The following CCDC93 variants were observed in gnomAD, a reference collection of about 807,000 sequenced individuals.
The protein encoded by CCDC93 is CCC complex scaffolding subunit CCDC93.
In CCDC93, 61 loss-of-function variants were observed where a neutral mutation model predicts 108.2. That is an observed-to-expected ratio of 0.56 (90% CI 0.46 to 0.70). CCDC93 has a LOEUF of 0.70. Among genes scored for constraint, CCDC93 ranks in the 30% least tolerant of loss-of-function variants. The pLI is 0.00. For synonymous variants in CCDC93, 276 were observed against 260.4 expected, an observed-to-expected ratio of 1.06 and a Z score of -0.58; for missense variants, 685 against 764.2, an observed-to-expected ratio of 0.90 and a Z score of 1.22.
intron 12 of CCDC93, among the ~76,000 whole-genome samples, chr2:117,957,898 G>A (rs113966520): frequency 1.3e-5 from 2 of 152,170 alleles, no homozygotes; most frequent in East Asian, 1.9e-4. Flanking sequence ...TAACACACCT[G>A]TAATTAAATG....
At position 117,916,322 on chromosome 2, in the gene CCDC93, C is replaced by T. The variant is rs1677684970; in HGVS notation, c.*4021G>A. ...TAGTGTAGTTCTTCCCTCTCTTTTTCCCTTCTTAGGGAATAAAAAAAAAAA... is the reference window on the plus strand; with the variant it reads ...TAGTGTAGTTCTTCCCTCTCTTTTTTCCTTCTTAGGGAATAAAAAAAAAAA... On this transcript the variant is annotated 3_prime_UTR_variant, in exon 24 of 24. Coordinates refer to ENST00000376300, the MANE Select transcript of CCDC93 (RefSeq NM_019044.5). The T allele has an allele frequency of 8.1e-6, 1 of 123,492 alleles. No homozygotes were observed. Among genetic ancestry groups the T allele is most frequent in the Admixed American group, 8.3e-5 (1 of 12,072 alleles). 7.6% of individuals were successfully genotyped at this position (123,492 alleles called of 1,614,324 possible).
chr2:117,949,328 T>C lies in CCDC93; in HGVS notation c.1136A>G (p.Asp379Gly). Residue 379 changes from aspartate to glycine, a missense_variant, in exon 14 of 24, where the codon GAT (aspartate) becomes GGT (glycine). Asp to Gly is a moderately conservative substitution (Grantham distance 94). Transcript: ENST00000376300. ...AALEKIESKA[D>G]PSILQNLRAL... ...ACATGCTGAAACCTCTTACCTTGGA[T>C]CAGCTTTGGATTCTATCTTCTCGAG... 2 of 1,611,718 alleles carry C rather than the reference T, an allele frequency of 1.2e-6. No homozygotes were observed. Among genetic ancestry groups the C allele is most frequent in the Non-Finnish European group, 1.7e-6 (2 of 1,177,890 alleles).
chr2:117,969,972 C>T (rs564245629), intron 11 of CCDC93, among the ~76,000 whole-genome samples: 2 of 152,282 alleles, frequency 1.3e-5, no homozygotes, highest in East Asian at 3.9e-4. Context: ...CACATTCTTA[C>T]TGAAAGGCCC....
chr2:117,979,191 A>C (rs543263654), intron 7 of CCDC93, among the ~76,000 whole-genome samples: 1 of 152,222 alleles, frequency 6.6e-6, no homozygotes, highest in Non-Finnish European at 1.5e-5. Context: ...CCCTCAGAAG[A>C]AAACAGAACC....
intron 12 of CCDC93, 73 bp from the exon 13 acceptor site, chr2:117,952,508 G>T: frequency 9.0e-7 from 1 of 1,113,788 alleles, no homozygotes; most frequent in Non-Finnish European, 1.4e-6. Context: ...TTTCACAGAT[G>T]AGAAAATGAA....
rs765733014 is a variant in CCDC93, at chr2:118,000,854, C to A, written c.330G>T (p.Gly110=). ...PHQLEPHQIQ[G]MDFIHIFPVV... is the part of the protein sequence containing the mutation. Reference sequence around the variant, plus strand: ...CAGGAAATATGTGAATAAAATCCATCCCCTGGATCTGGTGGGGCTCCAGCT... The same window carrying A: ...CAGGAAATATGTGAATAAAATCCATACCCTGGATCTGGTGGGGCTCCAGCT... Residue 110 remains glycine, a synonymous_variant, in exon 4 of 24, where the codon GGG becomes GGT. Transcript: ENST00000376300. 1 of 1,613,514 alleles carries A rather than the reference C, an allele frequency of 6.2e-7. No homozygotes were observed. The highest frequency in any genetic ancestry group is 1.7e-5 in the Admixed American group (1 of 60,002).
chr2:118,011,689 G>C (rs1677025547), intron 1 of CCDC93, among the ~76,000 whole-genome samples: 1 of 152,016 alleles, frequency 6.6e-6, no homozygotes, highest in African/African-American at 2.4e-5. Context: ...AAAAAAATAG[G>C]ATCATCACTG....
chr2:117,925,756 C>T (rs1183508561), intron 23 of CCDC93, among the ~76,000 whole-genome samples: 1 of 152,202 alleles, frequency 6.6e-6, no homozygotes, highest in East Asian at 1.9e-4. Flanking sequence ...CTCAGCTCTG[C>T]ACCAAGCAGA....
chr2:117,971,431 G>A (rs1328604533), intron 11 of CCDC93, among the ~76,000 whole-genome samples: 6 of 147,532 alleles, frequency 4.1e-5, no homozygotes, highest in African/African-American at 1.3e-4. Context: ...ATAAACAAAC[G>A]GGAAGGCTAG....
At chr2:117,950,073 C>G in intron 13 of CCDC93, 1 of 985,370 alleles carries the variant, frequency 1.0e-6, no homozygotes, top group South Asian at 4.7e-5. Context: ...GGGGAGTTCC[C>G]CGACCCAGAA....
intron 2 of CCDC93, among the ~76,000 whole-genome samples, chr2:118,007,235 T>A (rs1453034507): frequency 6.6e-6 from 1 of 152,260 alleles, no homozygotes; most frequent in Non-Finnish European, 1.5e-5. Context: ...ACATTTTGTT[T>A]CCATACATCT....
chr2:117,952,145 CT>C, intron 13 of CCDC93, among the ~76,000 whole-genome samples: 1 of 152,134 alleles, frequency 6.6e-6, no homozygotes, highest in East Asian at 1.9e-4. Context: ...ACAGAGACCC[CT>C]CCCACCAAGA....
chr2:117,974,891 G>T lies in CCDC93; in HGVS notation c.760C>A (p.Gln254Lys). Reference sequence around the variant, plus strand: ...GCGGTCATCTTGGTCATCAGCGACTGAATACGCTGCTGAAAGAGGAATGGA... The same window carrying T: ...GCGGTCATCTTGGTCATCAGCGACTTAATACGCTGCTGAAAGAGGAATGGA... ...ELRAAEEQRI[Q>K]SLMTKMTAMA... Residue 254 changes from glutamine to lysine, a missense_variant, in exon 10 of 24, where the codon CAG (glutamine) becomes AAG (lysine). Transcript: ENST00000376300. The T allele has an allele frequency of 6.4e-7, 1 of 1,564,782 alleles. No individual in the cohort carries two copies. Among genetic ancestry groups the T allele is most frequent in the Admixed American group, 1.9e-5 (1 of 52,812 alleles).
chr2:117,940,453 G>A (rs1016053373), intron 19 of CCDC93, among the ~76,000 whole-genome samples: 13 of 152,216 alleles, frequency 8.5e-5, no homozygotes, highest in African/African-American at 2.7e-4. Context: ...AGGCCAGAGT[G>A]AGGGTTCAGA....
At chr2:118,012,291 T>C (rs940918807) in intron 1 of CCDC93, among the ~76,000 whole-genome samples, 1 of 150,300 alleles carries the variant, frequency 6.7e-6, no homozygotes, top group Admixed American at 6.6e-5. Flanking sequence ...AAAAAAAGAA[T>C]GAATTTAATG....
intron 20 of CCDC93, among the ~76,000 whole-genome samples, chr2:117,937,190 C>T (rs771974035): frequency 1.3e-5 from 2 of 152,182 alleles, no homozygotes; most frequent in South Asian, 2.1e-4. Context: ...AGAATCTTCT[C>T]GCCAATGCAA....
chr2:117,931,621 CCT>C (rs147814932), intron 22 of CCDC93: 2,739 of 152,934 alleles, frequency 0.018, 71 homozygotes, highest in African/African-American at 0.06. Flanking sequence ...GCTGAGAAAC[CCT>C]GATTTAAAAA....
At chr2:118,001,406 G>T (rs1680848149) in intron 3 of CCDC93, among the ~76,000 whole-genome samples, 1 of 151,448 alleles carries the variant, frequency 6.6e-6, no homozygotes, top group South Asian at 2.1e-4. Context: ...GAAACATGGA[G>T]CCCCATTTCC....
intron 1 of CCDC93, chr2:118,012,455 G>A (rs1677045637): frequency 6.6e-6 from 1 of 152,146 alleles, no homozygotes; most frequent in African/African-American, 2.4e-5. Context: ...ACAGCAGCAG[G>A]TTGCTCTTCA....
Sources: allele counts gnomAD v4.1 joint callset (sites outside exome capture counted in the v4.1 genomes callset), GRCh38; gene constraint gnomAD v4.1.1; transcripts MANE v1.5; gene names NCBI Gene and HGNC (gene_info 2026-07-23, HGNC 2026-07-21).